Variants in GABRG3 observed in about 807,000 individuals in gnomAD.
GABRG3 encodes gamma-aminobutyric acid receptor subunit gamma-3.
In GABRG3, 25 loss-of-function variants were observed where a neutral mutation model predicts 48.8. The ratio of observed to expected loss-of-function variants is 0.51; its 90% confidence interval spans 0.37 to 0.72. The LOEUF is 0.72. GABRG3 is among the 30% of genes least tolerant of loss of function. The pLI is 0.00. For missense variants in GABRG3, 394 were observed against 577.9 expected (o/e 0.68, Z 3.26); for synonymous variants, 227 against 217.6 (o/e 1.04, Z -0.38).
chr15:27,487,853 G>C (rs963183167), intron 6 of GABRG3, among the ~76,000 whole-genome samples: 8 of 152,188 alleles, frequency 5.3e-5, no homozygotes, highest in Non-Finnish European at 8.8e-5. Context: ...TGCTGAAGAT[G>C]CTTAGGAACA....
At chr15:27,077,882 C>G (rs73369685) in intron 3 of GABRG3, among the ~76,000 whole-genome samples, 3,740 of 152,270 alleles carry the variant, frequency 0.025, 139 homozygotes, top group African/African-American at 0.072. Flanking sequence ...TTCTCAGCAT[C>G]ATCACAGCCC....
rs989798216 is a variant in GABRG3 at position 27,293,762 on chromosome 15, G to A, written c.271-33047G>A. Among the ~76,000 whole-genome samples, 4 of 151,912 alleles carry A rather than the reference G, an allele frequency of 2.6e-5. No individual in the cohort carries two copies. In the South Asian group the frequency reaches 8.3e-4, roughly 31 times the overall value. On this transcript the variant is annotated intron_variant, in intron 3 of 9. Coordinates refer to ENST00000615808, the MANE Select transcript of GABRG3 (RefSeq NM_033223.5). ...GATTATGCATATTCAACTTGCAAATGAAATGTTAAGAGGTATTCATTTGTG... is the reference window on the plus strand; with the variant it reads ...GATTATGCATATTCAACTTGCAAATAAAATGTTAAGAGGTATTCATTTGTG...
chr15:26,987,796 T>G (rs570956483), intron 2 of GABRG3, among the ~76,000 whole-genome samples: 1 of 152,368 alleles, frequency 6.6e-6, no homozygotes, highest in Middle Eastern at 3.4e-3. Flanking sequence ...ATTTTCATAT[T>G]TAGTGTCATT....
chr15:27,458,284 A>C (rs1049847790), intron 5 of GABRG3, among the ~76,000 whole-genome samples: 2 of 152,208 alleles, frequency 1.3e-5, no homozygotes, highest in Non-Finnish European at 2.9e-5. Context: ...CTCCATCCTC[A>C]TAAATTGTAT....
intron 3 of GABRG3, among the ~76,000 whole-genome samples, chr15:27,308,198 GTTTATATAT>G (rs1892773816): frequency 1.8e-4 from 8 of 43,482 alleles, no homozygotes; most frequent in African/African-American, 5.7e-4. Flanking sequence ...ATATAAACAT[GTTTATATAT>G]CCAAACATAT....
Position 27,436,853 on chromosome 15 carries a change from G to A in GABRG3, c.575-43797G>A, listed in dbSNP as rs866097981. On this transcript the variant is annotated intron_variant, in intron 5 of 9. Transcript: ENST00000615808. The stretch of plus-strand genomic sequence containing the variant: ...GGGAGAAAAAAACCAGGGGCAAGCC[G>A]GGCTTGGTGGCGTACACCTGTGGTC... Among the ~76,000 whole-genome samples, 7 of 152,092 alleles carry A rather than the reference G, an allele frequency of 4.6e-5. No individual in the cohort carries two copies. The East Asian group carries it at 5.8e-4, about 13-fold the overall frequency.
At position 27,457,014 on chromosome 15, in the gene GABRG3, C is replaced by T. The variant is rs377503490; in HGVS notation, c.575-23636C>T. ...CTTTCCCGAGCTCCACCTACCACGC[C>T]GACCTCAGAAGGACCTGTGACAGCA... is the stretch of plus-strand genomic sequence containing the variant. On this transcript the variant is annotated intron_variant, in intron 5 of 9. Coordinates refer to ENST00000615808, the MANE Select transcript of GABRG3 (RefSeq NM_033223.5). The surrounding 1 kb of genome is among the most constrained non-coding windows in gnomAD (Gnocchi z 4.4). Among the ~76,000 whole-genome samples the T allele has an allele frequency of 2.6e-4, 40 of 152,320 alleles. 1 individual carries two copies. Among genetic ancestry groups the T allele is most frequent in the East Asian group, 9.7e-4 (5 of 5,156 alleles).
intron 3 of GABRG3, among the ~76,000 whole-genome samples, chr15:27,283,700 A>C (rs1891513672): frequency 6.6e-6 from 1 of 152,114 alleles, no homozygotes; most frequent in Non-Finnish European, 1.5e-5. Flanking sequence ...TGTGCCCAGG[A>C]GCATCTCCAG....
intron 9 of GABRG3, among the ~76,000 whole-genome samples, chr15:27,530,460 C>G (rs890182072): frequency 6.6e-6 from 1 of 152,288 alleles, no homozygotes; most frequent in South Asian, 2.1e-4. Context: ...TAACATCTTA[C>G]GTTTTGCTTC....
intron 3 of GABRG3, among the ~76,000 whole-genome samples, chr15:27,294,384 T>G (rs1210315471): frequency 6.6e-6 from 1 of 151,960 alleles, no homozygotes; most frequent in Non-Finnish European, 1.5e-5. Context: ...GCCCAGCTAA[T>G]TTTTGTATTT....
rs111611052 is a variant in GABRG3 at position 27,328,707 on chromosome 15, C to T, written c.492-99C>T. 363 of 890,748 alleles carry T rather than the reference C, an allele frequency of 4.1e-4. 1 individual carries two copies. In the African/African-American group the frequency reaches 4.8e-3, roughly 12 times the overall value. The allele number at this position is 890,748 out of a possible 1,614,324, so 55.2% of individuals were successfully genotyped here. On this transcript the variant is annotated intron_variant, in intron 4 of 9. Coordinates refer to ENST00000615808, the MANE Select transcript of GABRG3 (RefSeq NM_033223.5). ...GAGCCGCACATGCTGCCCTGGGTGA[C>T]GGAACGGCCCTCTCCATCCCCACAT...
chr15:27,195,824 G>A (rs545670290), intron 3 of GABRG3, among the ~76,000 whole-genome samples: 49 of 152,152 alleles, frequency 3.2e-4, no homozygotes, highest in Admixed American at 2.0e-3. Flanking sequence ...TAGTAGAGAC[G>A]GGGTTTCACT....
intron 3 of GABRG3, among the ~76,000 whole-genome samples, chr15:27,305,686 T>C (rs530334632): frequency 9.8e-5 from 9 of 91,520 alleles, no homozygotes; most frequent in Admixed American, 1.4e-4. Flanking sequence ...TGTTTATATA[T>C]AAACATATAT....
intron 3 of GABRG3, among the ~76,000 whole-genome samples, chr15:27,186,601 T>C (rs974881134): frequency 5.9e-5 from 9 of 152,296 alleles, no homozygotes; most frequent in South Asian, 2.1e-4. Context: ...TAAACTGCCC[T>C]TCACAGTGGC....
chr15:27,477,332 A>C (rs1371638356), intron 5 of GABRG3, among the ~76,000 whole-genome samples: 2 of 152,218 alleles, frequency 1.3e-5, no homozygotes, highest in African/African-American at 4.8e-5. Flanking sequence ...AAATAGCTAC[A>C]TACTATATGA....
At position 27,488,722 on chromosome 15, in the gene GABRG3, C is replaced by G. The variant is rs544340756; in HGVS notation, c.712+7935C>G. Among the ~76,000 whole-genome samples the G allele has an allele frequency of 2.0e-5, 3 of 151,954 alleles. No individual in the cohort carries two copies. The South Asian group carries it at 6.2e-4, about 32-fold the overall frequency. On this transcript the variant is annotated intron_variant, in intron 6 of 9. Coordinates refer to ENST00000615808, the MANE Select transcript of GABRG3 (RefSeq NM_033223.5). Reference sequence around the variant, plus strand: ...AATGAGTCTAAAGGATAAATATATCCCTTTGCAAATATTTAGTTGTCATCT... The same window carrying G: ...AATGAGTCTAAAGGATAAATATATCGCTTTGCAAATATTTAGTTGTCATCT...
At chr15:27,123,706 A>G (rs1188564637) in intron 3 of GABRG3, among the ~76,000 whole-genome samples, 1 of 152,200 alleles carries the variant, frequency 6.6e-6, no homozygotes, top group Non-Finnish European at 1.5e-5. Context: ...AGTGGGAGTG[A>G]TAAAAATGAC....
intron 3 of GABRG3, among the ~76,000 whole-genome samples, chr15:27,108,205 C>T (rs935903719): frequency 6.6e-6 from 1 of 152,056 alleles, no homozygotes; most frequent in African/African-American, 2.4e-5. Context: ...CAGTTTTCCT[C>T]TCAGCACTGC....
chr15:27,532,782 C>T lies in GABRG3; in HGVS notation c.1305C>T (p.His435=). The stretch of plus-strand genomic sequence containing the variant: ...GATCCTGGAGGAAAGGGCGTATTCA[C>T]ATAGACATCTTGGAGCTGGACTCGT... ...KSGSWRKGRI[H]IDILELDSYS... is the part of the protein sequence containing the mutation. The change falls in exon 10 of 10, where the codon CAC becomes CAT. Residue 435 remains histidine, a synonymous_variant. Transcript: ENST00000615808. 2 of 1,614,006 alleles carry T rather than the reference C, an allele frequency of 1.2e-6. No individual in the cohort carries two copies. The highest frequency in any genetic ancestry group is 1.7e-6 in the Non-Finnish European group (2 of 1,179,884).
Sources: gnomAD v4.1 joint callset for allele counts (sites outside exome capture counted in the v4.1 genomes callset) on GRCh38, gnomAD v4.1.1 for gene constraint, Gnocchi (gnomAD v3.1) non-coding constraint, MANE v1.5 for transcripts, NCBI Gene and HGNC (gene_info 2026-07-23, HGNC 2026-07-21) for gene names.